Variants in ADAMTS19 observed in about 807,000 individuals in gnomAD.
ADAMTS19 encodes A disintegrin and metalloproteinase with thrombospondin motifs 19.
In ADAMTS19, 93 loss-of-function variants were observed where a neutral mutation model predicts 153.3. The ratio of observed to expected loss-of-function variants is 0.61; its 90% CI spans 0.51 to 0.72. ADAMTS19 has a LOEUF of 0.72. Ranked by LOEUF, ADAMTS19 falls within the 30% of genes least tolerant of loss-of-function variation. ADAMTS19 has a pLI of 0.00. For missense variants in ADAMTS19, 1,482 were observed against 1,552.1 expected, an observed-to-expected ratio of 0.95 and a Z score of 0.76; for synonymous variants, 600 against 556.6, an observed-to-expected ratio of 1.08 and a Z score of -1.10.
chr5:129,552,830 T>C (rs548421676), intron 7 of ADAMTS19, among the ~76,000 whole-genome samples: 240 of 152,142 alleles, frequency 1.6e-3, no homozygotes, highest in African/African-American at 5.7e-3. Flanking sequence ...TCTTAGATAA[T>C]GTAAGGATTT....
At position 129,554,732 on chromosome 5, in the gene ADAMTS19, C is replaced by T. The variant is rs1041249022; in HGVS notation, c.1372+2825C>T. On this transcript the variant is annotated intron_variant, in intron 7 of 22. Transcript: ENST00000274487. ...TTACTAAGCCAGTTTAAGACTTTTA[C>T]GTTACTTGTAGCCTAAGGCATAAAA... is the stretch of plus-strand genomic sequence containing the variant. Among the ~76,000 whole-genome samples, 16 of 152,160 alleles carry T rather than the reference C, an allele frequency of 1.1e-4. No individual in the cohort carries two copies. The South Asian group carries it at 2.9e-3, about 28-fold the overall frequency.
intron 21 of ADAMTS19, among the ~76,000 whole-genome samples, chr5:129,728,498 A>G (rs183655154): frequency 6.6e-6 from 1 of 152,136 alleles, no homozygotes; most frequent in African/African-American, 2.4e-5. Context: ...CCTTGCTTTC[A>G]CTTTAAGGAC....
chr5:129,737,247 C>T lies in ADAMTS19; in HGVS notation c.*29C>T, dbSNP rs1395571370. ...CTAGCAGGCTGGCTGGATCACAGCTCTTGGCAATTACATTATTTATAAACA... is the reference window on the plus strand; with the variant it reads ...CTAGCAGGCTGGCTGGATCACAGCTTTTGGCAATTACATTATTTATAAACA... On this transcript the variant is annotated 3_prime_UTR_variant, in exon 23 of 23. Coordinates refer to ENST00000274487, the MANE Select transcript of ADAMTS19 (RefSeq NM_133638.6). 7.8e-6 allele frequency: 12 copies of T among 1,545,462 alleles called. No individual in the cohort carries two copies. In the African/African-American group the frequency reaches 1.6e-4, roughly 21 times the overall value.
chr5:129,681,772 TCA>T (rs1392280266), intron 17 of ADAMTS19, among the ~76,000 whole-genome samples: 1 of 152,146 alleles, frequency 6.6e-6, no homozygotes, highest in Non-Finnish European at 1.5e-5. Flanking sequence ...GTGCATCACC[TCA>T]CAGTCCCATT....
intron 18 of ADAMTS19, among the ~76,000 whole-genome samples, chr5:129,685,927 G>T (rs1197212653): frequency 6.6e-6 from 1 of 152,158 alleles, no homozygotes; most frequent in Non-Finnish European, 1.5e-5. Flanking sequence ...CAGGAGAAAA[G>T]ATAGGTGTTC....
chr5:129,652,951 C>T (rs773193310), intron 13 of ADAMTS19, among the ~76,000 whole-genome samples: 61 of 152,138 alleles, frequency 4.0e-4, no homozygotes, highest in South Asian at 2.5e-3. Context: ...TGCTTTATTG[C>T]GGCTTATAAT....
At chr5:129,654,096 T>G (rs1753434955) in intron 13 of ADAMTS19, among the ~76,000 whole-genome samples, 1 of 152,194 alleles carries the variant, frequency 6.6e-6, no homozygotes, top group South Asian at 2.1e-4. Flanking sequence ...GAAGCCAGAT[T>G]TCTTAGAAGA....
intron 11 of ADAMTS19, among the ~76,000 whole-genome samples, chr5:129,644,051 A>T (rs1366223083): frequency 2.6e-5 from 4 of 151,980 alleles, no homozygotes; most frequent in Non-Finnish European, 5.9e-5. Flanking sequence ...TTCTGCTATG[A>T]TTTTTTCCCT....
chr5:129,599,829 G>A (rs1454109416), intron 8 of ADAMTS19, among the ~76,000 whole-genome samples: 3 of 152,096 alleles, frequency 2.0e-5, no homozygotes, highest in East Asian at 1.9e-4. Context: ...CAATAGAGAT[G>A]TGCCAAAGGT....
intron 21 of ADAMTS19, 105 bp from the exon 22 acceptor site, chr5:129,734,827 T>A (rs1350425733): frequency 9.6e-7 from 1 of 1,042,882 alleles, no homozygotes; most frequent in Non-Finnish European, 1.3e-6. Context: ...GCAGCTCATA[T>A]TTAATTTTAA....
chr5:129,585,675 C>T (rs1304687655), intron 7 of ADAMTS19, among the ~76,000 whole-genome samples: 1 of 152,048 alleles, frequency 6.6e-6, no homozygotes, highest in Non-Finnish European at 1.5e-5. Context: ...ATTTTTCTTT[C>T]TGTCTGAAGA....
intron 16 of ADAMTS19, among the ~76,000 whole-genome samples, chr5:129,668,171 C>A (rs996981491): frequency 6.6e-6 from 1 of 152,144 alleles, no homozygotes; most frequent in South Asian, 2.1e-4. Flanking sequence ...CCTGCATGGT[C>A]TCTTTGCCTT....
intron 21 of ADAMTS19, among the ~76,000 whole-genome samples, chr5:129,727,658 T>C (rs1456933536): frequency 6.6e-6 from 1 of 152,184 alleles, no homozygotes; most frequent in East Asian, 1.9e-4. Flanking sequence ...AGTTTGTGAA[T>C]TTATGTGAGC....
chr5:129,715,277 C>T (rs2127188822), intron 21 of ADAMTS19, among the ~76,000 whole-genome samples: 1 of 152,200 alleles, frequency 6.6e-6, no homozygotes, highest in South Asian at 2.1e-4. Flanking sequence ...TTAATCCTTA[C>T]AATTTTTCAG....
intron 16 of ADAMTS19, among the ~76,000 whole-genome samples, chr5:129,674,297 A>T (rs1009335682): frequency 5.3e-5 from 8 of 151,216 alleles, no homozygotes; most frequent in African/African-American, 1.9e-4. Context: ...ATCTTTTTCC[A>T]TTCTTTTATT....
chr5:129,628,091 T>C (rs112457268), intron 10 of ADAMTS19, among the ~76,000 whole-genome samples: 4 of 152,136 alleles, frequency 2.6e-5, no homozygotes, highest in African/African-American at 9.6e-5. Flanking sequence ...GAAAATGTGG[T>C]ACATATACAC....
chr5:129,488,092 C>A (rs1176123160), intron 2 of ADAMTS19, among the ~76,000 whole-genome samples: 4 of 151,628 alleles, frequency 2.6e-5, no homozygotes, highest in Non-Finnish European at 4.4e-5. Context: ...GTGTAAGAGA[C>A]CCTATAAATA....
intron 8 of ADAMTS19, among the ~76,000 whole-genome samples, chr5:129,602,815 T>C (rs1750723819): frequency 7.0e-6 from 1 of 142,552 alleles, no homozygotes; most frequent in Non-Finnish European, 1.5e-5. Context: ...TGTATTGTTG[T>C]CTTATATTCT....
intron 7 of ADAMTS19, among the ~76,000 whole-genome samples, chr5:129,568,813 C>T (rs1753801287): frequency 6.6e-6 from 1 of 151,792 alleles, no homozygotes; most frequent in African/African-American, 2.4e-5. Context: ...CAGAGCAAGA[C>T]CTTGTCTCTT....
Sources: allele counts gnomAD v4.1 joint callset (sites outside exome capture counted in the v4.1 genomes callset), GRCh38; gene constraint gnomAD v4.1.1; transcripts MANE v1.5; gene names NCBI Gene and HGNC (gene_info 2026-07-23, HGNC 2026-07-21).